MROH2B: variants seen among roughly 807,000 people sequenced by gnomAD.
MROH2B encodes the protein maestro heat-like repeat-containing protein family member 2B.
Under a neutral mutation model 208.6 loss-of-function variants are expected in MROH2B, and 177 were observed. The observed-to-expected ratio is 0.85, with a 90% CI of 0.75 to 0.96. The LOEUF (loss-of-function observed/expected upper bound fraction) is 0.96, where lower values mean the gene tolerates loss of function less well. Ranked by LOEUF, MROH2B falls within the 40% of genes least tolerant of loss-of-function variation. The probability of loss-of-function intolerance (pLI) is 0.00; values close to 1 mark genes in which losing one functional copy is unlikely to be tolerated. For missense variants in MROH2B, 2,002 were observed against 1,878.7 expected (o/e 1.07, Z -1.21); for synonymous variants, 728 against 659.0 (o/e 1.10, Z -1.60).
intron 32 of MROH2B, 55 bp from the exon 33 acceptor site, chr5:41,008,848 T>C (rs1170553356): frequency 6.6e-7 from 1 of 1,521,930 alleles, no homozygotes; most frequent in Non-Finnish European, 8.9e-7. Context: ...CAAGGCCATC[T>C]TCTCTCTGGG....
intron 2 of MROH2B, among the ~76,000 whole-genome samples, chr5:41,069,104 C>A (rs772336138): frequency 6.6e-6 from 1 of 152,126 alleles, no homozygotes; most frequent in Admixed American, 6.6e-5. Flanking sequence ...TAACTTCTCT[C>A]TGCCTAATTT....
chr5:41,021,101 G>A (rs879185930), intron 24 of MROH2B, among the ~76,000 whole-genome samples: 3 of 152,156 alleles, frequency 2.0e-5, no homozygotes, highest in Admixed American at 2.0e-4. Flanking sequence ...AAAGTTGTGA[G>A]ATACAAAATC....
At chr5:41,015,977 T>C (rs1741935684) in intron 28 of MROH2B, among the ~76,000 whole-genome samples, 1 of 152,228 alleles carries the variant, frequency 6.6e-6, no homozygotes, top group African/African-American at 2.4e-5. Context: ...AATTTATAAA[T>C]GCAGACCTAA....
At chr5:41,057,972 T>G (rs1743514071) in intron 7 of MROH2B, 91 bp downstream of exon 7, 1 of 1,286,128 alleles carries the variant, frequency 7.8e-7, no homozygotes, top group East Asian at 2.8e-5. Context: ...AACAGGAGTT[T>G]AAGCTCCTTA....
At chr5:41,055,261 A>T (rs1743410705) in intron 10 of MROH2B, among the ~76,000 whole-genome samples, 1 of 152,222 alleles carries the variant, frequency 6.6e-6, no homozygotes, top group East Asian at 1.9e-4. Flanking sequence ...ATCATGCACC[A>T]TTATTTCATA....
intron 10 of MROH2B, among the ~76,000 whole-genome samples, chr5:41,055,387 G>A (rs75080865): frequency 0.037 from 5,616 of 151,896 alleles, 344 homozygotes; most frequent in African/African-American, 0.13. Context: ...GTTAAATTCT[G>A]CTTTTTTGTA....
At chr5:41,046,463 AC>A (rs1398258211) in intron 17 of MROH2B, among the ~76,000 whole-genome samples, 2 of 152,042 alleles carry the variant, frequency 1.3e-5, no homozygotes, top group East Asian at 3.9e-4. Flanking sequence ...TTTTGGACAA[AC>A]ACATTGCAAT....
chr5:41,038,735 C>T lies in MROH2B; in HGVS notation c.2214+1G>A, dbSNP rs1471535778. ...GGAGGCAGCCATGCAACGGGCATTACCTGAGAGCACTGGCCATGAAGAGAC... is the reference window on the plus strand; with the variant it reads ...GGAGGCAGCCATGCAACGGGCATTATCTGAGAGCACTGGCCATGAAGAGAC... On this transcript the variant is annotated splice_donor_variant, in intron 21 of 41. Transcript: ENST00000399564. LOFTEE classifies it high-confidence loss of function. The T allele has an allele frequency of 2.5e-6, 4 of 1,608,010 alleles. No homozygotes were observed. Among genetic ancestry groups the T allele is most frequent in the African/African-American group, 1.3e-5 (1 of 74,714 alleles).
chr5:41,017,684 G>A (rs12659580), intron 28 of MROH2B, among the ~76,000 whole-genome samples, 166 bp downstream of exon 28: 52,509 of 151,614 alleles, frequency 0.35, 9,243 homozygotes, highest in South Asian at 0.43. Flanking sequence ...GAGAGAGACA[G>A]AGAGAGATGG....
At chr5:41,001,576 T>G (rs1332876223) in intron 37 of MROH2B, among the ~76,000 whole-genome samples, 1 of 151,896 alleles carries the variant, frequency 6.6e-6, no homozygotes, top group African/African-American at 2.4e-5. Flanking sequence ...CCAGGCCTGG[T>G]GGCACGTGCC....
intron 37 of MROH2B, among the ~76,000 whole-genome samples, chr5:41,003,560 CA>C (rs1283217957): frequency 1.3e-5 from 2 of 152,116 alleles, no homozygotes; most frequent in African/African-American, 4.8e-5. Context: ...AGTTCCAACT[CA>C]GTCACAGGCT....
In MROH2B at chr5:41,004,399, C is replaced by T. The variant is rs1741501170; in HGVS notation, c.4141G>A (p.Val1381Met). The change falls in exon 37 of 42, where the codon GTG (valine) becomes ATG (methionine). Residue 1381 changes from valine to methionine, a missense_variant. Val to Met is a conservative substitution (Grantham distance 21). Transcript: ENST00000399564. Reference sequence around the variant, plus strand: ...ACTATTTCCTTGAAGTAGAAGCTCACGTCTCGGTCTGTCAGCAGCTCCAGG... The same window carrying T: ...ACTATTTCCTTGAAGTAGAAGCTCATGTCTCGGTCTGTCAGCAGCTCCAGG... The part of the protein sequence containing the change: ...KILELLTDRD[V>M]SFYFKEIVLQ... 3 of 1,613,970 alleles carry T rather than the reference C, an allele frequency of 1.9e-6. No homozygotes were observed. The highest frequency in any genetic ancestry group is 8.5e-7 in the Non-Finnish European group (1 of 1,179,864).
rs754546753 is a variant in MROH2B, at chr5:41,039,502, T to A, written c.2007A>T (p.Leu669Phe). The A allele has an allele frequency of 6.2e-6, 10 of 1,607,988 alleles. No individual in the cohort carries two copies. Among genetic ancestry groups the A allele is most frequent in the Non-Finnish European group, 7.6e-6 (9 of 1,176,622 alleles). ...GATTTTGGAATGTTTTAAGAACTTT[T>A]AAAACAATATCCAAATGGTTCTCGG... ...YCAENHLDIV[L>F]KVLKTFQNQE... The change falls in exon 20 of 42, where the codon TTA (leucine) becomes TTT (phenylalanine). Residue 669 changes from leucine to phenylalanine, a missense_variant. Leu to Phe is a conservative substitution (Grantham distance 22, BLOSUM62 0). Transcript: ENST00000399564.
chr5:41,043,129 T>A (rs1481616738), intron 18 of MROH2B, among the ~76,000 whole-genome samples: 1 of 152,188 alleles, frequency 6.6e-6, no homozygotes, highest in Non-Finnish European at 1.5e-5. Context: ...GGAAAGGAAA[T>A]TCTAATAGAC....
chr5:41,032,521 T>A (rs1266867696), intron 24 of MROH2B, among the ~76,000 whole-genome samples: 1 of 152,032 alleles, frequency 6.6e-6, no homozygotes, highest in East Asian at 1.9e-4. Context: ...ATAATTCCTC[T>A]GAGTAGCTCT....
chr5:41,009,719 T>A (rs1490033514), intron 31 of MROH2B, among the ~76,000 whole-genome samples: 2 of 152,184 alleles, frequency 1.3e-5, no homozygotes, highest in Non-Finnish European at 2.9e-5. Flanking sequence ...AAAATATTAT[T>A]ATGCAATACA....
intron 24 of MROH2B, among the ~76,000 whole-genome samples, chr5:41,023,252 G>C (rs1742222445): frequency 6.6e-6 from 1 of 152,158 alleles, no homozygotes; most frequent in African/African-American, 2.4e-5. Context: ...CCGAGCTAAA[G>C]GAGGAAGTTC....
chr5:41,069,802 C>T, intron 1 of MROH2B, 50 bp from the exon 2 acceptor site: 1 of 1,338,356 alleles, frequency 7.5e-7, no homozygotes, highest in Non-Finnish European at 1.1e-6. Context: ...AAATGCCCTC[C>T]TGTTAATTAT....
intron 21 of MROH2B, among the ~76,000 whole-genome samples, chr5:41,036,074 T>C (rs1406458904): frequency 6.6e-6 from 1 of 151,920 alleles, no homozygotes; most frequent in Non-Finnish European, 1.5e-5. Flanking sequence ...AGCAAAGACA[T>C]GGAATCAACA....
Sources: gnomAD v4.1 joint callset for allele counts (sites outside exome capture counted in the v4.1 genomes callset) on GRCh38, gnomAD v4.1.1 for gene constraint, MANE v1.5 for transcripts, NCBI Gene and HGNC (gene_info 2026-07-23, HGNC 2026-07-21) for gene names.